ELMO1: variants seen among roughly 807,000 people sequenced by gnomAD.
ELMO1 encodes engulfment and cell motility protein 1.
Under a neutral mutation model 98.9 loss-of-function variants are expected in ELMO1, and 26 were observed. That is an observed-to-expected ratio of 0.26 (90% CI 0.19 to 0.36). The LOEUF is 0.36. ELMO1 is among the 10% of genes least tolerant of loss of function. ELMO1 has a pLI of 1.00. For missense variants in ELMO1, 627 were observed against 935.2 expected (o/e 0.67, Z 4.30); for synonymous variants, 346 against 346.0 (o/e 1.00, Z 0.00).
intron 15 of ELMO1, among the ~76,000 whole-genome samples, chr7:37,071,295 G>C (rs1464024866): frequency 6.6e-6 from 1 of 152,142 alleles, no homozygotes; most frequent in Non-Finnish European, 1.5e-5. Flanking sequence ...TACATGAATA[G>C]TAGGTAGAAA....
At chr7:37,128,257 C>T (rs745612617) in intron 14 of ELMO1, among the ~76,000 whole-genome samples, 6 of 152,092 alleles carry the variant, frequency 3.9e-5, no homozygotes, top group African/African-American at 1.4e-4. Flanking sequence ...ATCTACAACA[C>T]GCTCAACTCT....
intron 15 of ELMO1, among the ~76,000 whole-genome samples, chr7:37,077,874 G>T (rs1204033604): frequency 6.6e-6 from 1 of 152,168 alleles, no homozygotes; most frequent in African/African-American, 2.4e-5. Context: ...TACGAGCAAA[G>T]GGGAATGTAC....
At chr7:37,179,236 C>A (rs1790689737) in intron 13 of ELMO1, among the ~76,000 whole-genome samples, 1 of 150,470 alleles carries the variant, frequency 6.6e-6, no homozygotes, top group Non-Finnish European at 1.5e-5. Context: ...GTTCATGTGG[C>A]TTAAAAGTAA....
At chr7:36,997,107 C>T (rs960524026) in intron 16 of ELMO1, among the ~76,000 whole-genome samples, 1 of 151,898 alleles carries the variant, frequency 6.6e-6, no homozygotes, top group South Asian at 2.1e-4. Context: ...ACAAACACAT[C>T]GTCTACACAA....
At chr7:37,052,283 C>T (rs1796149587) in intron 15 of ELMO1, among the ~76,000 whole-genome samples, 1 of 152,196 alleles carries the variant, frequency 6.6e-6, no homozygotes, top group Non-Finnish European at 1.5e-5. Flanking sequence ...CAAGTTATTC[C>T]TGTTGTCATT....
At chr7:37,347,581 G>T (rs1801068386) in intron 1 of ELMO1, among the ~76,000 whole-genome samples, 1 of 151,968 alleles carries the variant, frequency 6.6e-6, no homozygotes, top group Non-Finnish European at 1.5e-5. Flanking sequence ...CTTTATAAGG[G>T]GAACACCCTC....
intron 16 of ELMO1, among the ~76,000 whole-genome samples, chr7:36,924,053 G>C (rs1443272833): frequency 6.6e-6 from 1 of 152,134 alleles, no homozygotes; most frequent in East Asian, 1.9e-4. Context: ...GCCACTAAAG[G>C]GTTGTGAACA....
chr7:37,029,679 G>A (rs1170606728), intron 15 of ELMO1, among the ~76,000 whole-genome samples: 1 of 152,082 alleles, frequency 6.6e-6, no homozygotes, highest in African/African-American at 2.4e-5. Context: ...ATAAAATTAG[G>A]CTTAAACTCT....
chr7:37,396,925 A>T (rs1472332322), intron 1 of ELMO1, among the ~76,000 whole-genome samples: 8 of 152,246 alleles, frequency 5.3e-5, no homozygotes, highest in Non-Finnish European at 1.2e-4. Flanking sequence ...TAAGAGGACA[A>T]TTGGTAGCAT....
At chr7:37,022,857 AAATT>A (rs771081446) in intron 15 of ELMO1, among the ~76,000 whole-genome samples, 2 of 152,208 alleles carry the variant, frequency 1.3e-5, no homozygotes, top group African/African-American at 2.4e-5. Context: ...TTGGATAAAT[AAATT>A]ATGGTTTATT....
intron 1 of ELMO1, among the ~76,000 whole-genome samples, chr7:37,433,098 G>T (rs997283090): frequency 6.6e-6 from 1 of 152,166 alleles, no homozygotes; most frequent in African/African-American, 2.4e-5. Flanking sequence ...CTCAACAAGT[G>T]ACCTTGGGTC....
intron 14 of ELMO1, among the ~76,000 whole-genome samples, chr7:37,110,269 C>A (rs753859296): frequency 1.1e-4 from 17 of 152,130 alleles, no homozygotes; most frequent in Non-Finnish European, 2.2e-4. Context: ...CCTGCCAAGG[C>A]GAAGAGGCCC....
In ELMO1 at chr7:37,061,203, C is replaced by T. The variant is rs145221809; in HGVS notation, c.1300+35416G>A. Among the ~76,000 whole-genome samples the T allele has an allele frequency of 3.7e-4, 56 of 152,162 alleles. 1 individual carries two copies. The highest frequency in any genetic ancestry group is 1.2e-3 in the African/African-American group (51 of 41,504). The stretch of plus-strand genomic sequence containing the variant: ...CAGAATAGAAAAGGTAGTTTTCCTT[C>T]GTGTTGAAGATACAAGGGATTTGAA... On this transcript the variant is annotated intron_variant, in intron 15 of 21. Coordinates refer to ENST00000310758, the MANE Select transcript of ELMO1 (RefSeq NM_014800.11).
chr7:36,900,820 G>C (rs78931917), intron 16 of ELMO1, among the ~76,000 whole-genome samples: 10 of 152,148 alleles, frequency 6.6e-5, no homozygotes, highest in Non-Finnish European at 1.2e-4. Context: ...TGACTCATGT[G>C]GGGGAGACTT....
intron 1 of ELMO1, among the ~76,000 whole-genome samples, chr7:37,392,836 G>A (rs1368004365): frequency 6.6e-6 from 1 of 152,164 alleles, no homozygotes; most frequent in African/African-American, 2.4e-5. Flanking sequence ...ATTGGCCTCT[G>A]GCTCCCCAGT....
chr7:37,246,866 C>CTCTATCTATCTATCTA (rs10547342), intron 6 of ELMO1, among the ~76,000 whole-genome samples: 36 of 151,094 alleles, frequency 2.4e-4, no homozygotes, highest in African/African-American at 8.0e-4. Flanking sequence ...CTATATATAT[C>CTCTATCTATCTATCTA]TCTATCTATC....
chr7:37,165,615 T>C (rs961894067), intron 13 of ELMO1, among the ~76,000 whole-genome samples: 9 of 152,056 alleles, frequency 5.9e-5, no homozygotes, highest in Middle Eastern at 3.2e-3. Context: ...TTGTCTTTGG[T>C]TCTGTTTATA....
intron 2 of ELMO1, among the ~76,000 whole-genome samples, chr7:37,333,572 C>T (rs145891847): frequency 1.3e-5 from 2 of 152,310 alleles, no homozygotes; most frequent in East Asian, 1.9e-4. Flanking sequence ...GATATGTTTG[C>T]TGTGTTTTTC....
At chr7:37,165,531 G>T (rs1322961089) in intron 13 of ELMO1, among the ~76,000 whole-genome samples, 1 of 152,114 alleles carries the variant, frequency 6.6e-6, no homozygotes, top group Non-Finnish European at 1.5e-5. Context: ...AATTTATTGA[G>T]AGTTCTTAGC....
Sources: gnomAD v4.1 joint callset for allele counts (sites outside exome capture counted in the v4.1 genomes callset) on GRCh38, gnomAD v4.1.1 for gene constraint, MANE v1.5 for transcripts, NCBI Gene and HGNC (gene_info 2026-07-23, HGNC 2026-07-21) for gene names.